GRSF1: variants seen among roughly 807,000 people sequenced by gnomAD.
The protein encoded by GRSF1 is G-rich sequence factor 1.
In GRSF1, 50 loss-of-function variants were observed where a neutral mutation model predicts 51.1. The ratio of observed to expected loss-of-function variants is 0.98; its 90% confidence interval spans 0.78 to 1.24. The LOEUF is 1.24. Among genes scored for constraint, GRSF1 ranks in the 50% most tolerant of loss-of-function variants. The pLI is 0.00. For synonymous variants in GRSF1, 293 were observed against 253.3 expected, an observed-to-expected ratio of 1.16 and a Z score of -1.49; for missense variants, 700 against 639.7, an observed-to-expected ratio of 1.09 and a Z score of -1.02.
intron 2 of GRSF1, among the ~76,000 whole-genome samples, chr4:70,835,173 G>A (rs1473501340): frequency 6.6e-6 from 1 of 151,552 alleles, no homozygotes; most frequent in Non-Finnish European, 1.5e-5. Flanking sequence ...GCCGGGCACG[G>A]TGGCTCACGC....
intron 1 of GRSF1, 37 bp downstream of exon 1, chr4:70,839,434 G>A (rs920697444): frequency 3.4e-6 from 5 of 1,488,084 alleles, no homozygotes; most frequent in Admixed American, 4.5e-5. Flanking sequence ...CGGCCCGGGA[G>A]GGATCTCGCG....
chr4:70,839,015 G>T, intron 1 of GRSF1: 1 of 614,384 alleles, frequency 1.6e-6, no homozygotes, highest in Non-Finnish European at 2.4e-6. Context: ...CACCTTCCCA[G>T]CAGCGGCCGA....
At chr4:70,838,069 A>G (rs1372145731) in intron 1 of GRSF1, among the ~76,000 whole-genome samples, 2 of 151,460 alleles carry the variant, frequency 1.3e-5, no homozygotes, top group Admixed American at 1.3e-4. Flanking sequence ...AATACAAAAA[A>G]TTAGCTGGGC....
intron 2 of GRSF1, 79 bp downstream of exon 2, chr4:70,836,079 T>A: frequency 1.2e-6 from 1 of 801,846 alleles, no homozygotes; most frequent in Non-Finnish European, 1.8e-6. Context: ...CAAAATTACA[T>A]ACTTAAAACA....
intron 6 of GRSF1, among the ~76,000 whole-genome samples, chr4:70,827,050 A>G (rs983981027): frequency 1.3e-5 from 2 of 151,878 alleles, no homozygotes; most frequent in Admixed American, 1.3e-4. Flanking sequence ...CACTTTGGGA[A>G]GCAGAGGCCG....
rs751134497 is a variant in GRSF1 at position 70,827,922 on chromosome 4, C to A, written c.1065G>T (p.Met355Ile). Residue 355 changes from methionine (M) to isoleucine (I), a missense_variant, in exon 6 of 10, where the codon ATG becomes ATT. Transcript: ENST00000254799. Reference protein sequence around the residue: ...PTAKYITEPEMVFEEHEVNED... With the variant: ...PTAKYITEPEIVFEEHEVNED... ...CATTTACTTCATGTTCTTCAAAGACCATTTCTGGCTCAGTTATATACTTAG... is the reference window on the plus strand; with the variant it reads ...CATTTACTTCATGTTCTTCAAAGACAATTTCTGGCTCAGTTATATACTTAG... 12 of 1,613,026 alleles carry A rather than the reference C, an allele frequency of 7.4e-6. No homozygotes were observed. Among genetic ancestry groups the A allele is most frequent in the Non-Finnish European group, 1.0e-5 (12 of 1,179,336 alleles).
Position 70,816,442 on chromosome 4 carries a change from G to C in GRSF1, c.*4445C>G, listed in dbSNP as rs138831007. The C allele has an allele frequency of 2.0e-5, 3 of 151,824 alleles. No homozygotes were observed. In the East Asian group the frequency reaches 5.8e-4, roughly 29 times the overall value. The allele number at this position is 151,824 out of a possible 1,614,324, so 9.4% of individuals were successfully genotyped here. On this transcript the variant is annotated 3_prime_UTR_variant, in exon 10 of 10. Coordinates refer to ENST00000254799, the MANE Select transcript of GRSF1 (RefSeq NM_002092.4). Reference sequence around the variant, plus strand: ...TCTCCCTCAAAAAAACTCCAATGACGGCTGGGTGTGGTGGCTGATGCCTGT... The same window carrying C: ...TCTCCCTCAAAAAAACTCCAATGACCGCTGGGTGTGGTGGCTGATGCCTGT...
chr4:70,821,946 G>A (rs1285746698), intron 9 of GRSF1, among the ~76,000 whole-genome samples: 1 of 152,058 alleles, frequency 6.6e-6, no homozygotes, highest in Non-Finnish European at 1.5e-5. Context: ...GAAGTAATGG[G>A]ATTACTGGAG....
intron 7 of GRSF1, 93 bp downstream of exon 7, chr4:70,826,031 T>C (rs1271237540): frequency 2.1e-5 from 23 of 1,084,514 alleles, no homozygotes; most frequent in Non-Finnish European, 3.2e-5. Context: ...AGAAACACTA[T>C]ATTTTCTTCT....
At chr4:70,829,488 C>G (rs1186262041) in intron 5 of GRSF1, among the ~76,000 whole-genome samples, 2 of 151,924 alleles carry the variant, frequency 1.3e-5, no homozygotes, top group Admixed American at 1.3e-4. Flanking sequence ...AACCCCGTCT[C>G]TACAAAAATA....
At chr4:70,839,227 C>G (rs1339651376) in intron 1 of GRSF1, 4 of 1,453,188 alleles carry the variant, frequency 2.8e-6, no homozygotes, top group Non-Finnish European at 3.7e-6. Context: ...GCCACACTTA[C>G]ACTGCCCAAC....
At position 70,838,848 on chromosome 4, in the gene GRSF1, C is replaced by T. The variant is rs576570127; in HGVS notation, c.357+623G>A. On this transcript the variant is annotated intron_variant, in intron 1 of 9. Coordinates refer to ENST00000254799, the MANE Select transcript of GRSF1 (RefSeq NM_002092.4). ...CTCCAAACTGCTTTCCCAGACGAGG[C>T]GACACACAGTCCTTAAAGACCTTCT... 6.8e-5 allele frequency: 15 copies of T among 222,136 alleles called. No individual in the cohort carries two copies. The Admixed American group carries it at 8.4e-4, about 12-fold the overall frequency. The allele number at this position is 222,136 out of a possible 1,614,324, so 13.8% of individuals were successfully genotyped here. A position where few individuals can be genotyped will look rare whatever the true frequency, so the allele number is the denominator to read the frequency against.
At chr4:70,839,433 A>C in intron 1 of GRSF1, 38 bp downstream of exon 1, 8 of 1,478,246 alleles carry the variant, frequency 5.4e-6, no homozygotes, top group Non-Finnish European at 7.2e-6. Context: ...GCGGCCCGGG[A>C]GGGATCTCGC....
intron 9 of GRSF1, among the ~76,000 whole-genome samples, chr4:70,821,585 G>A (rs1163062838): frequency 8.3e-5 from 12 of 144,466 alleles, no homozygotes; most frequent in Non-Finnish European, 4.5e-5. Flanking sequence ...CAGCCTGGGC[G>A]ACAGAGAGAG....
At position 70,839,501 on chromosome 4, in the gene GRSF1, C is replaced by A; in HGVS notation, c.327G>T (p.Ala109=). 1 of 1,421,140 alleles carries A rather than the reference C, an allele frequency of 7.0e-7. No individual in the cohort carries two copies. The highest frequency in any genetic ancestry group is 1.5e-5 in the African/African-American group (1 of 65,958). The allele number at this position is 1,421,140 out of a possible 1,614,324, so 88.0% of individuals were successfully genotyped here. Residue 109 remains alanine (A), a synonymous_variant, in exon 1 of 10, where the codon GCG becomes GCT. Transcript: ENST00000254799. The part of the protein sequence containing the change: ...ASLLPQSLAA[A]AAVPTRSYSQ... ...TGTAGCTGCGCGTCGGGACGGCGGC[C>A]GCCGCCGCCAGCGACTGCGGCAGCA...
At chr4:70,825,850 T>C in intron 7 of GRSF1, 1 of 338,016 alleles carries the variant, frequency 3.0e-6, no homozygotes, top group Non-Finnish European at 5.4e-6. Flanking sequence ...AAGAAATGCT[T>C]GAACCCGGGA....
chr4:70,829,734 G>A (rs1017956315), intron 5 of GRSF1, among the ~76,000 whole-genome samples: 2 of 152,084 alleles, frequency 1.3e-5, no homozygotes, highest in African/African-American at 4.8e-5. Context: ...GAGCCCAGAA[G>A]GTCAAGGCTG....
At chr4:70,823,976 C>CT (rs35338829) in intron 9 of GRSF1, among the ~76,000 whole-genome samples, 1 of 131,318 alleles carries the variant, frequency 7.6e-6, no homozygotes, top group African/African-American at 2.8e-5. Context: ...GTATCTCTCT[C>CT]TTTTTTTTTT....
chr4:70,819,255 C>G lies in GRSF1; in HGVS notation c.*1632G>C, dbSNP rs542486749. The G allele has an allele frequency of 1.3e-5, 2 of 152,256 alleles. No individual in the cohort carries two copies. Among genetic ancestry groups the G allele is most frequent in the East Asian group, 3.9e-4 (2 of 5,176 alleles). 9.4% of individuals were successfully genotyped at this position (152,256 alleles called of 1,614,324 possible). ...GATCTTTTCCACAGCAAATCAGATA[C>G]CAAATGTGAAAGAGCAACAAAGATC... On this transcript the variant is annotated 3_prime_UTR_variant, in exon 10 of 10. Transcript: ENST00000254799.
Sources: gnomAD v4.1 joint callset for allele counts (sites outside exome capture counted in the v4.1 genomes callset) on GRCh38, gnomAD v4.1.1 for gene constraint, MANE v1.5 for transcripts, NCBI Gene and HGNC (gene_info 2026-07-23, HGNC 2026-07-21) for gene names.